Variants in MAL2 observed in about 807,000 individuals in gnomAD.
MAL2 encodes the protein mal, T cell differentiation protein 2, also known as protein MAL2.
Under a neutral mutation model 18.1 loss-of-function variants are expected in MAL2, and 17 were observed. The ratio of observed to expected loss-of-function variants is 0.94; its 90% confidence interval spans 0.64 to 1.41. MAL2 has a LOEUF of 1.41. Among genes scored for constraint, MAL2 ranks in the 40% most tolerant of loss-of-function variants. The pLI, the probability that MAL2 is intolerant of heterozygous loss-of-function variation, is 0.00. For synonymous variants in MAL2, 102 were observed against 102.3 expected, an observed-to-expected ratio of 1.00 and a Z score of 0.02; for missense variants, 222 against 231.9, an observed-to-expected ratio of 0.96 and a Z score of 0.28.
At chr8:119,233,684 A>T (rs965572939) in intron 2 of MAL2, among the ~76,000 whole-genome samples, 1 of 152,122 alleles carries the variant, frequency 6.6e-6, no homozygotes, top group Non-Finnish European at 1.5e-5. Context: ...GCAATAATCA[A>T]TAGCTTACCA....
chr8:119,237,529 A>G (rs1463675395), intron 2 of MAL2, among the ~76,000 whole-genome samples: 1 of 151,704 alleles, frequency 6.6e-6, no homozygotes, highest in Non-Finnish European at 1.5e-5. Context: ...CATTGATGCA[A>G]AAATCGTCAA....
At chr8:119,240,119 A>G in intron 2 of MAL2, 46 bp from the exon 3 acceptor site, 7 of 1,580,258 alleles carry the variant, frequency 4.4e-6, no homozygotes, top group Non-Finnish European at 6.0e-6. Context: ...AAGGAACAGA[A>G]AAATATTTTT....
chr8:119,228,796 TA>T (rs1817649018), intron 2 of MAL2, among the ~76,000 whole-genome samples: 1 of 152,104 alleles, frequency 6.6e-6, no homozygotes, highest in African/African-American at 2.4e-5. Context: ...GAATAACCAT[TA>T]TGGGTGTGTG....
At chr8:119,212,853 G>T (rs1817287318) in intron 1 of MAL2, among the ~76,000 whole-genome samples, 1 of 152,190 alleles carries the variant, frequency 6.6e-6, no homozygotes, top group African/African-American at 2.4e-5. Flanking sequence ...CAGCAGGTAG[G>T]ACTCAGGTTC....
chr8:119,243,434 G>A lies in MAL2; in HGVS notation c.477G>A (p.Thr159=), dbSNP rs780958122. 4.8e-5 allele frequency: 76 copies of A among 1,596,296 alleles called. 2 individuals are homozygous for A. In the South Asian group the frequency reaches 7.3e-4, roughly 15 times the overall value. The change falls in exon 4 of 4, where the codon ACG becomes ACA. Residue 159 remains threonine, a synonymous_variant. Coordinates refer to ENST00000614891, the MANE Select transcript of MAL2 (RefSeq NM_052886.3). The part of the protein sequence containing the change: ...NVAASIFAFM[T]TACYGCSLGL... ...TTTCTTAGATTTTTGCCTTTATGACGACAGCTTGTTATGGTTGCAGTTTGG... is the reference window on the plus strand; with the variant it reads ...TTTCTTAGATTTTTGCCTTTATGACAACAGCTTGTTATGGTTGCAGTTTGG...
At chr8:119,232,923 T>C (rs541189608) in intron 2 of MAL2, among the ~76,000 whole-genome samples, 1 of 152,332 alleles carries the variant, frequency 6.6e-6, no homozygotes, top group Admixed American at 6.5e-5. Context: ...AATCCTGAGT[T>C]CTAGTTTGAT....
At position 119,208,455 on chromosome 8, in the gene MAL2, AGCAGCG is replaced by A. The variant is rs749890046; in HGVS notation, c.-6_-1del. ...AGGCGGCGGCGGCGCGCGGAGACGC[AGCAGCG>A]GCAGCGGCAGCATGTCGGCCGGCGG... is the stretch of plus-strand genomic sequence containing the variant. On this transcript the variant is annotated 5_prime_UTR_variant, in exon 1 of 4. Transcript: ENST00000614891. The surrounding 1 kb of genome is among the most constrained non-coding windows in gnomAD (Gnocchi z 4.3). The A allele has an allele frequency of 1.5e-5, 18 of 1,218,782 alleles. No individual in the cohort carries two copies. The highest frequency in any genetic ancestry group is 6.9e-5 in the South Asian group (2 of 28,998). The allele number at this position is 1,218,782 out of a possible 1,614,324, so 75.5% of individuals were successfully genotyped here.
intron 1 of MAL2, among the ~76,000 whole-genome samples, chr8:119,218,881 A>G (rs1039293779): frequency 6.6e-6 from 1 of 152,226 alleles, no homozygotes; most frequent in South Asian, 2.1e-4. Context: ...TTCTCAGGAA[A>G]TAACTCAGAA....
chr8:119,224,228 A>T (rs1438075268), intron 2 of MAL2: 1 of 152,214 alleles, frequency 6.6e-6, no homozygotes, highest in Non-Finnish European at 1.5e-5. Flanking sequence ...CTAATAACAG[A>T]TATAAAGTAC....
intron 2 of MAL2, 52 bp downstream of exon 2, chr8:119,221,809 T>C: frequency 6.3e-7 from 1 of 1,575,564 alleles, no homozygotes; most frequent in Non-Finnish European, 8.7e-7. Context: ...GAAACCTGTA[T>C]CCTATTCTGT....
chr8:119,230,582 A>G (rs753276940), intron 2 of MAL2, among the ~76,000 whole-genome samples: 6 of 152,126 alleles, frequency 3.9e-5, no homozygotes, highest in Non-Finnish European at 8.8e-5. Flanking sequence ...GTGACATTGA[A>G]AAAGGTATGT....
At chr8:119,210,589 T>C (rs892522509) in intron 1 of MAL2, among the ~76,000 whole-genome samples, 14 of 152,338 alleles carry the variant, frequency 9.2e-5, no homozygotes, top group Non-Finnish European at 1.6e-4. Flanking sequence ...GTGATTCTAA[T>C]ATTCAGAGCC....
At position 119,240,299 on chromosome 8, in the gene MAL2, T is replaced by C. The variant is rs763376643; in HGVS notation, c.438T>C (p.Tyr146=). 2.5e-6 allele frequency: 4 copies of C among 1,613,550 alleles called. No homozygotes were observed. Among genetic ancestry groups the C allele is most frequent in the Non-Finnish European group, 1.7e-6 (2 of 1,179,678 alleles). The part of the protein sequence containing the change: ...TGQPLLSDNQ[Y]NINVAASIFA... ...AGCCACTCCTGAGTGATAACCAGTA[T>C]AACATAAACGTAGCAGCCTCAGTAA... Residue 146 remains tyrosine, a synonymous_variant, in exon 3 of 4, where the codon TAT becomes TAC. Transcript: ENST00000614891.
intron 1 of MAL2, among the ~76,000 whole-genome samples, chr8:119,219,467 C>G (rs966811151): frequency 3.3e-5 from 5 of 152,012 alleles, no homozygotes; most frequent in African/African-American, 4.8e-5. Context: ...CACATGAGCA[C>G]TAGCTTGTTT....
chr8:119,230,303 G>C (rs912923705), intron 2 of MAL2, among the ~76,000 whole-genome samples: 2 of 152,008 alleles, frequency 1.3e-5, no homozygotes, highest in African/African-American at 4.8e-5. Flanking sequence ...AGTGAGAAGC[G>C]CGAGAAGTGT....
At chr8:119,238,489 C>G (rs1446006496) in intron 2 of MAL2, among the ~76,000 whole-genome samples, 1 of 151,740 alleles carries the variant, frequency 6.6e-6, no homozygotes, top group African/African-American at 2.4e-5. Context: ...GCCAAAAGAA[C>G]AAAGCTGGAG....
At chr8:119,238,939 A>T (rs1817980717) in intron 2 of MAL2, among the ~76,000 whole-genome samples, 1 of 151,814 alleles carries the variant, frequency 6.6e-6, no homozygotes, top group Admixed American at 6.5e-5. Flanking sequence ...AGCTAATTAA[A>T]CTAAAGAGCT....
intron 3 of MAL2, 91 bp from the exon 4 acceptor site, chr8:119,243,326 G>T: frequency 1.2e-6 from 1 of 835,626 alleles, no homozygotes; most frequent in Non-Finnish European, 1.7e-6. Flanking sequence ...TAGGTAGATT[G>T]TTGGTCAAAC....
At chr8:119,220,534 T>C (rs1388376683) in intron 1 of MAL2, among the ~76,000 whole-genome samples, 4 of 152,202 alleles carry the variant, frequency 2.6e-5, no homozygotes, top group Non-Finnish European at 1.5e-5. Flanking sequence ...CAAGATGATC[T>C]TGGCTTTGTC....
Sources: gnomAD v4.1 joint callset for allele counts (sites outside exome capture counted in the v4.1 genomes callset) on GRCh38, gnomAD v4.1.1 for gene constraint, Gnocchi (gnomAD v3.1) non-coding constraint, MANE v1.5 for transcripts, NCBI Gene and HGNC (gene_info 2026-07-23, HGNC 2026-07-21) for gene names.